The following CNTNAP2 variants were observed in gnomAD, a reference collection of about 807,000 sequenced individuals.
CNTNAP2 encodes the protein contactin-associated protein-like 2.
CNTNAP2 carries 98 observed loss-of-function variants against 155.2 expected under a neutral mutation model. That is an observed-to-expected ratio of 0.63 (90% CI 0.54 to 0.75). The LOEUF is 0.75. Ranked by LOEUF, CNTNAP2 falls within the 30% of genes least tolerant of loss-of-function variation. The pLI, the probability that CNTNAP2 is intolerant of heterozygous loss-of-function variation, is 0.00. For missense variants in CNTNAP2, 1,727 were observed against 1,688.1 expected, an observed-to-expected ratio of 1.02 and a Z score of -0.40; for synonymous variants, 651 against 631.2, an observed-to-expected ratio of 1.03 and a Z score of -0.47.
At chr7:147,049,721 A>G (rs1799437229) in intron 4 of CNTNAP2, among the ~76,000 whole-genome samples, 1 of 152,154 alleles carries the variant, frequency 6.6e-6, no homozygotes, top group Admixed American at 6.5e-5. Flanking sequence ...TAAACCTGCA[A>G]GAGAGGGAAT....
intron 3 of CNTNAP2, among the ~76,000 whole-genome samples, chr7:146,859,380 G>A (rs1458712978): frequency 6.6e-6 from 1 of 152,068 alleles, no homozygotes; most frequent in Non-Finnish European, 1.5e-5. Context: ...ATCCTTGTTG[G>A]GTGCAGTGGC....
At chr7:146,306,140 A>G (rs1800707985) in intron 1 of CNTNAP2, among the ~76,000 whole-genome samples, 2 of 152,136 alleles carry the variant, frequency 1.3e-5, no homozygotes, top group South Asian at 4.1e-4. Context: ...TAACCTAGAA[A>G]ATCTAAAAGA....
chr7:147,117,279 C>A (rs905079862), intron 5 of CNTNAP2, among the ~76,000 whole-genome samples: 1 of 152,104 alleles, frequency 6.6e-6, no homozygotes, highest in Non-Finnish European at 1.5e-5. Flanking sequence ...AGACCCAAGG[C>A]TCTGGTGTCA....
intron 1 of CNTNAP2, among the ~76,000 whole-genome samples, chr7:146,598,043 C>A (rs1308934577): frequency 6.6e-6 from 1 of 152,042 alleles, no homozygotes; most frequent in Non-Finnish European, 1.5e-5. Context: ...CTTGGATAAA[C>A]CTCAGCTCAC....
chr7:147,827,460 A>T (rs1466072399), intron 13 of CNTNAP2, among the ~76,000 whole-genome samples: 1 of 152,206 alleles, frequency 6.6e-6, no homozygotes, highest in Admixed American at 6.5e-5. Flanking sequence ...TAACAAAAAA[A>T]ATTGTTGAGT....
intron 1 of CNTNAP2, among the ~76,000 whole-genome samples, chr7:146,605,796 C>A (rs2129152884): frequency 6.6e-6 from 1 of 152,222 alleles, no homozygotes. Context: ...ATCTTTACTG[C>A]TGGTGACTAG....
intron 15 of CNTNAP2, among the ~76,000 whole-genome samples, chr7:148,060,997 TGA>T (rs1363624345): frequency 1.3e-5 from 2 of 152,118 alleles, no homozygotes; most frequent in Admixed American, 6.5e-5. Context: ...AAACAGAAAT[TGA>T]GAGTTTGAGA....
intron 21 of CNTNAP2, among the ~76,000 whole-genome samples, chr7:148,321,182 G>A (rs1797785252): frequency 6.6e-6 from 1 of 152,116 alleles, no homozygotes. Context: ...ACTTTTATTT[G>A]GTAGGCAGTG....
At chr7:148,397,321 C>CA (rs1205661010) in intron 22 of CNTNAP2, among the ~76,000 whole-genome samples, 2 of 152,182 alleles carry the variant, frequency 1.3e-5, no homozygotes, top group Non-Finnish European at 2.9e-5. Flanking sequence ...GATTGTGAAG[C>CA]AATGGGGACT....
At chr7:146,136,677 G>A (rs1045173088) in intron 1 of CNTNAP2, among the ~76,000 whole-genome samples, 41 of 128 alleles carry the variant, frequency 0.32, no homozygotes, top group Admixed American at 0.44. Context: ...TCTTTAGTAG[G>A]TGGGGCCCCT....
intron 20 of CNTNAP2, among the ~76,000 whole-genome samples, chr7:148,259,600 A>C (rs545591073): frequency 6.6e-6 from 1 of 152,160 alleles, no homozygotes; most frequent in African/African-American, 2.4e-5. Flanking sequence ...ATCTCAGGAG[A>C]TGGGGCCCGG....
intron 17 of CNTNAP2, among the ~76,000 whole-genome samples, chr7:148,160,730 TGAA>T (rs1805515875): frequency 6.6e-6 from 1 of 152,206 alleles, no homozygotes. Flanking sequence ...CAGCTATTGA[TGAA>T]GGTGTTGTTT....
At chr7:147,122,759 T>G (rs1801147298) in intron 6 of CNTNAP2, 1 of 152,184 alleles carries the variant, frequency 6.6e-6, no homozygotes, top group African/African-American at 2.4e-5. Flanking sequence ...GTGTTTTCTT[T>G]AAAAATTTCA....
intron 1 of CNTNAP2, among the ~76,000 whole-genome samples, chr7:146,749,009 T>C (rs1801858733): frequency 6.6e-6 from 1 of 152,220 alleles, no homozygotes; most frequent in African/African-American, 2.4e-5. Context: ...GCTAAAGTTA[T>C]TGTGTAGCGA....
chr7:148,089,252 G>A lies in CNTNAP2; in HGVS notation c.2384-28866G>A, dbSNP rs1015615555. On this transcript the variant is annotated intron_variant, in intron 15 of 23. Coordinates refer to ENST00000361727, the MANE Select transcript of CNTNAP2 (RefSeq NM_014141.6). Reference sequence around the variant, plus strand: ...TCCTCTAAGATTAGGAAGAAGACAAGGATGCCCACTCTTGCCATGTTTATT... The same window carrying A: ...TCCTCTAAGATTAGGAAGAAGACAAAGATGCCCACTCTTGCCATGTTTATT... 5.9e-5 allele frequency among the ~76,000 whole-genome samples: 9 copies of A among 152,118 alleles called. No homozygotes were observed. In the South Asian group the frequency reaches 1.4e-3, roughly 25 times the overall value.
chr7:147,469,519 TTTTTTTTTTTTTTC>T lies in CNTNAP2; in HGVS notation c.1671-16414_1671-16401del, dbSNP rs1798176735. On this transcript the variant is annotated intron_variant, in intron 10 of 23. Transcript: ENST00000361727. ...TGTCAGGCTGCAATTTTTTTTTTTT[TTTTTTTTTTTTTTC>T]TGTGAGACAAAGTCTCGCTCTGCCG... Among the ~76,000 whole-genome samples the T allele has an allele frequency of 1.0e-4, 8 of 79,826 alleles. No homozygotes were observed. In the South Asian group the frequency reaches 1.8e-3, roughly 18 times the overall value. 52.4% of individuals were successfully genotyped at this position (79,826 alleles called of 152,430 possible).
chr7:148,177,044 C>T (rs754060003), intron 18 of CNTNAP2, among the ~76,000 whole-genome samples: 11 of 152,186 alleles, frequency 7.2e-5, no homozygotes, highest in Non-Finnish European at 1.5e-4. Context: ...TTGCAGTACA[C>T]TCTCTGTGTG....
intron 18 of CNTNAP2, among the ~76,000 whole-genome samples, chr7:148,177,833 T>C (rs955250021): frequency 5.3e-5 from 8 of 151,862 alleles, no homozygotes; most frequent in African/African-American, 1.9e-4. Flanking sequence ...AAAAAGAAAT[T>C]AGAATATTAC....
At chr7:147,545,884 A>G (rs1034987001) in intron 11 of CNTNAP2, among the ~76,000 whole-genome samples, 2 of 152,156 alleles carry the variant, frequency 1.3e-5, no homozygotes, top group African/African-American at 4.8e-5. Flanking sequence ...AATTTCCCCT[A>G]TACTATTCTC....
Sources: allele counts gnomAD v4.1 joint callset (sites outside exome capture counted in the v4.1 genomes callset), GRCh38; gene constraint gnomAD v4.1.1; transcripts MANE v1.5; gene names NCBI Gene and HGNC (gene_info 2026-07-23, HGNC 2026-07-21).